Variants in SPTBN1 observed in about 807,000 individuals in gnomAD.
The protein encoded by SPTBN1 is spectrin beta chain, non-erythrocytic 1.
In SPTBN1, 32 loss-of-function variants were observed where a neutral mutation model predicts 266.4. The observed-to-expected ratio is 0.12, with a 90% CI of 0.09 to 0.16. The LOEUF is 0.16. Among genes scored for constraint, SPTBN1 ranks in the 10% least tolerant of loss-of-function variants. The pLI, the probability that SPTBN1 is intolerant of heterozygous loss-of-function variation, is 1.00. For missense variants in SPTBN1, 2,296 were observed against 3,067.1 expected, an observed-to-expected ratio of 0.75 and a Z score of 5.94; for synonymous variants, 1,336 against 1,162.2, an observed-to-expected ratio of 1.15 and a Z score of -3.04.
chr2:54,590,127 C>G (rs1238947451), intron 2 of SPTBN1, among the ~76,000 whole-genome samples: 2 of 152,124 alleles, frequency 1.3e-5, no homozygotes, highest in East Asian at 3.8e-4. Flanking sequence ...AACAAGCAAA[C>G]AAAAAACAGA....
At chr2:54,498,648 C>G (rs975050435) in intron 1 of SPTBN1, among the ~76,000 whole-genome samples, 3 of 152,172 alleles carry the variant, frequency 2.0e-5, no homozygotes, top group African/African-American at 7.2e-5. Flanking sequence ...ATATACATCC[C>G]TAAAGTGAAA....
At chr2:54,528,303 GACC>G (rs1292968657) in intron 2 of SPTBN1, 1 of 152,498 alleles carries the variant, frequency 6.6e-6, no homozygotes, top group Non-Finnish European at 1.5e-5. Flanking sequence ...CTTTCTAAAG[GACC>G]ATTTTGTTTG....
intron 1 of SPTBN1, among the ~76,000 whole-genome samples, chr2:54,514,414 T>G (rs563712179): frequency 2.6e-5 from 4 of 152,194 alleles, no homozygotes; most frequent in African/African-American, 7.2e-5. Context: ...GAAAAAAAAA[T>G]GTGTCTATTG....
rs1459528577 is a variant in SPTBN1, at chr2:54,533,170, T to G, written c.148+6604T>G. Among the ~76,000 whole-genome samples, 1 of 152,134 alleles carries G rather than the reference T, an allele frequency of 6.6e-6. No homozygotes were observed. Among genetic ancestry groups the G allele is most frequent in the Non-Finnish European group, 1.5e-5 (1 of 68,028 alleles). On this transcript the variant is annotated intron_variant, in intron 2 of 35. Coordinates refer to ENST00000356805, the MANE Select transcript of SPTBN1 (RefSeq NM_003128.3). This position sits in a 1 kb window ranked among gnomAD's most constrained non-coding sequence, Gnocchi z 4.2. The stretch of plus-strand genomic sequence containing the variant: ...GTGTGTCTGCTGGACAAAGGGATGA[T>G]TCACATACCAGGCGGGATGGAGCGA...
chr2:54,581,368 C>T (rs557635637), intron 2 of SPTBN1, among the ~76,000 whole-genome samples: 8 of 152,160 alleles, frequency 5.3e-5, no homozygotes, highest in African/African-American at 1.7e-4. Context: ...TCCATAGGGT[C>T]GTCCGTGAGA....
intron 2 of SPTBN1, among the ~76,000 whole-genome samples, chr2:54,598,249 A>G (rs1676235707): frequency 6.6e-6 from 1 of 152,258 alleles, no homozygotes; most frequent in South Asian, 2.1e-4. Context: ...AATGTACAAC[A>G]ATCACGCTTT....
intron 1 of SPTBN1, among the ~76,000 whole-genome samples, chr2:54,500,327 G>T (rs761329096): frequency 2.0e-5 from 3 of 152,144 alleles, no homozygotes; most frequent in Non-Finnish European, 4.4e-5. Context: ...TGAAGACTCA[G>T]TGGGCCTCAG....
intron 7 of SPTBN1, among the ~76,000 whole-genome samples, chr2:54,619,979 C>A (rs912525608): frequency 1.3e-5 from 2 of 152,160 alleles, no homozygotes; most frequent in African/African-American, 4.8e-5. Context: ...TGAAAAAGAG[C>A]CTGATAATAT....
chr2:54,466,070 C>T lies in SPTBN1; in HGVS notation c.-48+9552C>T, dbSNP rs1448973046. On this transcript the variant is annotated intron_variant, in intron 1 of 35. Transcript: ENST00000356805. ...CCCTTGTTTATAGGAGTCATACGTC[C>T]ATTCTTAAGAAACTCTCAACTGTGA... is the stretch of plus-strand genomic sequence containing the variant. Among the ~76,000 whole-genome samples the T allele has an allele frequency of 2.6e-5, 4 of 152,118 alleles. No homozygotes were observed. The East Asian group carries it at 7.7e-4, about 29-fold the overall frequency.
intron 2 of SPTBN1, among the ~76,000 whole-genome samples, chr2:54,595,661 C>T (rs995521654): frequency 6.6e-6 from 1 of 152,222 alleles, no homozygotes; most frequent in Non-Finnish European, 1.5e-5. Flanking sequence ...TTCGAGCTGA[C>T]CTGCAGGTCA....
At chr2:54,582,183 A>G (rs542397225) in intron 2 of SPTBN1, among the ~76,000 whole-genome samples, 1 of 152,346 alleles carries the variant, frequency 6.6e-6, no homozygotes, top group African/African-American at 2.4e-5. Context: ...AAACATTACA[A>G]AACTAGTTTT....
chr2:54,618,732 G>A (rs1677802249), intron 7 of SPTBN1, among the ~76,000 whole-genome samples: 1 of 152,216 alleles, frequency 6.6e-6, no homozygotes, highest in South Asian at 2.1e-4. Context: ...CTTGTTAGGA[G>A]GCTGTGCTTT....
chr2:54,462,941 T>C (rs1354995219), intron 1 of SPTBN1, among the ~76,000 whole-genome samples: 2 of 152,252 alleles, frequency 1.3e-5, no homozygotes, highest in East Asian at 3.8e-4. Context: ...TAACTACCAC[T>C]CGATTAAATC....
chr2:54,496,395 G>T (rs966335573), intron 1 of SPTBN1, among the ~76,000 whole-genome samples: 1 of 141,478 alleles, frequency 7.1e-6, no homozygotes, highest in African/African-American at 2.7e-5. Context: ...CCGAGATTGC[G>T]CCACTGCACT....
intron 2 of SPTBN1, among the ~76,000 whole-genome samples, chr2:54,581,577 C>CTTTTTTTTTTTTTTT (rs70944181): frequency 7.9e-4 from 81 of 102,632 alleles, no homozygotes; most frequent in African/African-American, 3.0e-3. Flanking sequence ...TTTCTTTGCC[C>CTTTTTTTTTTTTTTT]TTTTTTTTTT....
chr2:54,612,438 G>T, intron 4 of SPTBN1, 104 bp downstream of exon 4: 1 of 1,320,518 alleles, frequency 7.6e-7, no homozygotes, highest in South Asian at 1.6e-5. Context: ...GGGAAGACCA[G>T]GTTGAAAGCA....
rs758020528 is a variant in SPTBN1, at chr2:54,645,200, G to A, written c.4270-29G>A. 4 of 1,612,222 alleles carry A rather than the reference G, an allele frequency of 2.5e-6. No homozygotes were observed. The East Asian group carries it at 8.9e-5, about 36-fold the overall frequency. Reference sequence around the variant, plus strand: ...GTCACTGCAAAAGATAGTCTGTGCTGAGCGCTGAGGCTGCTTCTCTGCCCT... The same window carrying A: ...GTCACTGCAAAAGATAGTCTGTGCTAAGCGCTGAGGCTGCTTCTCTGCCCT... On this transcript the variant is annotated intron_variant, in intron 20 of 35. Transcript: ENST00000356805. This position sits in a 1 kb window ranked among gnomAD's most constrained non-coding sequence, Gnocchi z 4.3.
At chr2:54,499,576 TCAGCA>T (rs763843770) in intron 1 of SPTBN1, among the ~76,000 whole-genome samples, 20 of 152,328 alleles carry the variant, frequency 1.3e-4, no homozygotes, top group Admixed American at 6.5e-5. Flanking sequence ...TATTAAAATG[TCAGCA>T]CAGCCCAGCC....
At chr2:54,651,362 A>T (rs560594091) in intron 26 of SPTBN1, among the ~76,000 whole-genome samples, 1 of 98,032 alleles carries the variant, frequency 1.0e-5, no homozygotes, top group African/African-American at 5.1e-5. Flanking sequence ...ACCTCACCAT[A>T]CCCACTGGGC....
Sources: gnomAD v4.1 joint callset for allele counts (sites outside exome capture counted in the v4.1 genomes callset) on GRCh38, gnomAD v4.1.1 for gene constraint, Gnocchi (gnomAD v3.1) non-coding constraint, MANE v1.5 for transcripts, NCBI Gene and HGNC (gene_info 2026-07-23, HGNC 2026-07-21) for gene names.